DOCK3: variants seen among roughly 807,000 people sequenced by gnomAD.
DOCK3 encodes dedicator of cytokinesis protein 3.
Under a neutral mutation model 265.6 loss-of-function variants are expected in DOCK3, and 60 were observed. The observed-to-expected ratio is 0.23, with a 90% CI of 0.18 to 0.28. The LOEUF (loss-of-function observed/expected upper bound fraction) is 0.28. DOCK3 is among the 10% of genes least tolerant of loss of function. The pLI is 1.00. For missense variants in DOCK3, 1,981 were observed against 2,594.3 expected, an observed-to-expected ratio of 0.76 and a Z score of 5.14; for synonymous variants, 881 against 938.0, an observed-to-expected ratio of 0.94 and a Z score of 1.11.
At chr3:51,117,457 A>G (rs917560101) in intron 9 of DOCK3, among the ~76,000 whole-genome samples, 13 of 152,134 alleles carry the variant, frequency 8.5e-5, no homozygotes, top group Non-Finnish European at 1.6e-4. Context: ...AGGTTTTGGT[A>G]TAAGGGTGAT....
chr3:50,886,250 A>G (rs1448000607), intron 3 of DOCK3, among the ~76,000 whole-genome samples: 1 of 150,116 alleles, frequency 6.7e-6, no homozygotes, highest in Non-Finnish European at 1.5e-5. Flanking sequence ...ATTTGGAGAA[A>G]TACTGAAAAG....
intron 1 of DOCK3, among the ~76,000 whole-genome samples, chr3:50,693,530 C>CTTTTT (rs35261130): frequency 2.0e-4 from 13 of 64,260 alleles, no homozygotes; most frequent in African/African-American, 7.9e-4. Context: ...ATTTCCTTTC[C>CTTTTT]TTTTTTTTTT....
chr3:51,318,916 C>T (rs1370138544), intron 32 of DOCK3, among the ~76,000 whole-genome samples: 2 of 152,006 alleles, frequency 1.3e-5, no homozygotes, highest in African/African-American at 4.8e-5. Flanking sequence ...ATCCTGTACC[C>T]TTGCTAAATT....
intron 5 of DOCK3, among the ~76,000 whole-genome samples, chr3:50,969,411 C>T (rs779659411): frequency 9.9e-5 from 15 of 151,958 alleles, no homozygotes; most frequent in Non-Finnish European, 1.3e-4. Context: ...ATGGTTGGAT[C>T]CTGTTTTTAA....
In DOCK3 at chr3:51,381,512, G is replaced by C. The variant is rs781944807; in HGVS notation, c.6046G>C (p.Glu2016Gln). ...KAPLPPGSAK[E>Q]EQARMAWEHG... ...TCCATTGCCTCCTGGGAGCGCTAAGGAGGAGCAGGCCCGCATGGCCTGGGA... is the reference window on the plus strand; with the variant it reads ...TCCATTGCCTCCTGGGAGCGCTAAGCAGGAGCAGGCCCGCATGGCCTGGGA... Residue 2016 changes from glutamate to glutamine, a missense_variant, in exon 53 of 53, where the codon GAG (glutamate) becomes CAG (glutamine). Glu to Gln is a conservative substitution (Grantham distance 29). Around this residue, in one of 4 missense-constraint regions of DOCK3, gnomAD observed 149 missense variants for 144.7 expected, o/e 1.03. Coordinates refer to ENST00000266037, the MANE Select transcript of DOCK3 (RefSeq NM_004947.5). The surrounding 1 kb of genome is among the most constrained non-coding windows in gnomAD (Gnocchi z 5.6). The C allele has an allele frequency of 1.3e-6, 2 of 1,579,554 alleles. No individual in the cohort carries two copies. Among genetic ancestry groups the C allele is most frequent in the South Asian group, 1.2e-5 (1 of 86,892 alleles).
In DOCK3 at chr3:51,016,981, G is replaced by GT. The variant is rs1559946820; in HGVS notation, c.316-47466dup. Among the ~76,000 whole-genome samples the GT allele has an allele frequency of 8.8e-5, 7 of 79,982 alleles. 1 individual carries two copies. The highest frequency in any genetic ancestry group is 3.4e-4 in the African/African-American group (7 of 20,406). The allele number at this position is 79,982 out of a possible 152,430, so 52.5% of individuals were successfully genotyped here. On this transcript the variant is annotated intron_variant, in intron 5 of 52. Coordinates refer to ENST00000266037, the MANE Select transcript of DOCK3 (RefSeq NM_004947.5). ...TATATTATATATATATAAATAAATGGTAAAATTTAGTAGTAAAACCATTGA... is the reference window on the plus strand; with the variant it reads ...TATATTATATATATATAAATAAATGGTTAAAATTTAGTAGTAAAACCATTGA...
chr3:51,232,314 C>G (rs907920325), intron 19 of DOCK3, among the ~76,000 whole-genome samples: 1 of 152,104 alleles, frequency 6.6e-6, no homozygotes. Context: ...CTTGCAGATG[C>G]GAATTGTGCT....
At chr3:51,143,470 A>G (rs548747650) in intron 9 of DOCK3, among the ~76,000 whole-genome samples, 9 of 151,674 alleles carry the variant, frequency 5.9e-5, no homozygotes, top group African/African-American at 1.9e-4. Flanking sequence ...GGGTTTCACT[A>G]TGTTGGCCAG....
chr3:51,330,063 C>G, intron 32 of DOCK3, 75 bp from the exon 33 acceptor site: 1 of 1,429,542 alleles, frequency 7.0e-7, no homozygotes, highest in Non-Finnish European at 9.6e-7. Context: ...ACCATCCTCA[C>G]CCACCACAGG....
intron 31 of DOCK3, among the ~76,000 whole-genome samples, chr3:51,313,755 C>T (rs988743497): frequency 2.0e-4 from 30 of 152,260 alleles, no homozygotes; most frequent in Non-Finnish European, 3.1e-4. Context: ...TTTCTGCCGG[C>T]GAGAGGGCCT....
chr3:51,290,542 G>T (rs1429556996), intron 27 of DOCK3, among the ~76,000 whole-genome samples: 2 of 152,062 alleles, frequency 1.3e-5, no homozygotes, highest in Non-Finnish European at 2.9e-5. Context: ...TTGTGGGGTT[G>T]GGGGAGAGGG....
At chr3:50,980,399 G>A (rs1169792452) in intron 5 of DOCK3, among the ~76,000 whole-genome samples, 1 of 152,162 alleles carries the variant, frequency 6.6e-6, no homozygotes, top group Non-Finnish European at 1.5e-5. Flanking sequence ...GATCATCAGG[G>A]ATATTGTCCT....
intron 13 of DOCK3, among the ~76,000 whole-genome samples, chr3:51,212,988 T>C (rs532336149): frequency 6.6e-6 from 1 of 152,220 alleles, no homozygotes; most frequent in South Asian, 2.1e-4. Context: ...TACAAATTCC[T>C]GGCTACTGAC....
rs185878781 is a variant in DOCK3, at chr3:51,335,277, G to T, written c.3611+2024G>T. Among the ~76,000 whole-genome samples the T allele has an allele frequency of 1.2e-3, 178 of 151,588 alleles. 1 individual carries two copies. The highest frequency in any genetic ancestry group is 0.01 in the Middle Eastern group (3 of 292). ...AAAAGCCAAAAAAAAAGAAGAAGAA[G>T]TACCACTGCTAGGATTTGAACCCAG... On this transcript the variant is annotated intron_variant, in intron 35 of 52. Coordinates refer to ENST00000266037, the MANE Select transcript of DOCK3 (RefSeq NM_004947.5).
intron 4 of DOCK3, among the ~76,000 whole-genome samples, chr3:50,897,265 C>T (rs2048940627): frequency 6.6e-6 from 1 of 152,148 alleles, no homozygotes; most frequent in Admixed American, 6.6e-5. Context: ...TGGGAGTTCA[C>T]TCATGATTTG....
chr3:51,264,353 T>G (rs1161811667), intron 23 of DOCK3, among the ~76,000 whole-genome samples: 2 of 152,028 alleles, frequency 1.3e-5, no homozygotes, highest in African/African-American at 4.8e-5. Context: ...TTGAAACCAA[T>G]GAGAACAAAG....
chr3:51,279,356 A>G (rs1251660284), intron 26 of DOCK3, among the ~76,000 whole-genome samples: 1 of 152,194 alleles, frequency 6.6e-6, no homozygotes, highest in African/African-American at 2.4e-5. Flanking sequence ...AAATTGCCCA[A>G]GTGAAGTAAA....
At chr3:50,888,706 G>T (rs1018371036) in intron 3 of DOCK3, among the ~76,000 whole-genome samples, 1 of 151,972 alleles carries the variant, frequency 6.6e-6, no homozygotes, top group African/African-American at 2.4e-5. Flanking sequence ...AAATAACTCC[G>T]CATATCTACA....
At chr3:51,058,683 G>A (rs1204311564) in intron 5 of DOCK3, among the ~76,000 whole-genome samples, 1 of 152,080 alleles carries the variant, frequency 6.6e-6, no homozygotes, top group Non-Finnish European at 1.5e-5. Flanking sequence ...CACATTTCTG[G>A]AGGCTGAGAA....
Sources: allele counts gnomAD v4.1 joint callset (sites outside exome capture counted in the v4.1 genomes callset), GRCh38; gene constraint gnomAD v4.1.1; regional missense constraint gnomAD v4.1.1; non-coding constraint Gnocchi (gnomAD v3.1); transcripts MANE v1.5; gene names NCBI Gene and HGNC (gene_info 2026-07-23, HGNC 2026-07-21).